SLIT3: variants seen among roughly 807,000 people sequenced by gnomAD.
The protein encoded by SLIT3 is slit homolog 3 protein.
Under a neutral mutation model 184.0 loss-of-function variants are expected in SLIT3, and 68 were observed. That is an observed-to-expected ratio of 0.37 (90% CI 0.30 to 0.45). The LOEUF is 0.45. SLIT3 is among the 20% of genes least tolerant of loss of function. The pLI is 1.00. For synonymous variants in SLIT3, 831 were observed against 828.6 expected, an observed-to-expected ratio of 1.00 and a Z score of -0.05; for missense variants, 1,707 against 2,026.0, an observed-to-expected ratio of 0.84 and a Z score of 3.02.
At chr5:169,147,806 G>T (rs574415285) in intron 4 of SLIT3, among the ~76,000 whole-genome samples, 1 of 151,970 alleles carries the variant, frequency 6.6e-6, no homozygotes. Context: ...AGTATCCCTG[G>T]GCCTTAGATG....
chr5:168,996,650 G>T (rs1047244320), intron 4 of SLIT3, among the ~76,000 whole-genome samples: 1 of 152,218 alleles, frequency 6.6e-6, no homozygotes, highest in Non-Finnish European at 1.5e-5. Context: ...ACATTTCACT[G>T]ATGAATGTTA....
chr5:169,151,913 T>A (rs561376549), intron 4 of SLIT3, among the ~76,000 whole-genome samples: 1 of 152,242 alleles, frequency 6.6e-6, no homozygotes, highest in African/African-American at 2.4e-5. Context: ...TCATTCTGCC[T>A]TAGTTTCCCA....
intron 4 of SLIT3, among the ~76,000 whole-genome samples, chr5:169,191,978 G>C (rs1005230765): frequency 2.6e-5 from 4 of 152,190 alleles, no homozygotes; most frequent in African/African-American, 9.6e-5. Context: ...ATACTCTGCT[G>C]TAGTACTTAG....
At chr5:169,244,111 A>C (rs571216696) in intron 3 of SLIT3, among the ~76,000 whole-genome samples, 2 of 152,230 alleles carry the variant, frequency 1.3e-5, no homozygotes, top group Non-Finnish European at 2.9e-5. Context: ...TTTCCCTCTC[A>C]TTGAGTCAGA....
chr5:168,836,097 A>G (rs1315035775), intron 6 of SLIT3, among the ~76,000 whole-genome samples: 1 of 152,120 alleles, frequency 6.6e-6, no homozygotes, highest in Non-Finnish European at 1.5e-5. Flanking sequence ...AGTGGGTAGG[A>G]GAGGGCCAAA....
intron 3 of SLIT3, among the ~76,000 whole-genome samples, chr5:169,203,793 A>C (rs1763980174): frequency 6.6e-6 from 1 of 152,116 alleles, no homozygotes; most frequent in Non-Finnish European, 1.5e-5. Context: ...GTCAAGGATG[A>C]GGCTGATATT....
chr5:169,119,700 C>G (rs1760811629), intron 4 of SLIT3, among the ~76,000 whole-genome samples: 1 of 151,946 alleles, frequency 6.6e-6, no homozygotes. Flanking sequence ...GGCTAAACAC[C>G]CAACTGTGGC....
chr5:169,189,797 A>G (rs1763491240), intron 4 of SLIT3, among the ~76,000 whole-genome samples: 1 of 152,060 alleles, frequency 6.6e-6, no homozygotes, highest in African/African-American at 2.4e-5. Context: ...TCTATAGAAC[A>G]GTACTAACCA....
chr5:169,044,587 T>TGGGGGGGGGGGGGGAGGG (rs57256659), intron 4 of SLIT3, among the ~76,000 whole-genome samples: 1 of 70,644 alleles, frequency 1.4e-5, no homozygotes, highest in African/African-American at 4.2e-5. Context: ...TGGAGGAAGG[T>TGGGGGGGGGGGGGGAGGG]GGGGGGGGGG....
chr5:169,182,715 T>G (rs983810133), intron 4 of SLIT3, among the ~76,000 whole-genome samples: 9 of 152,212 alleles, frequency 5.9e-5, no homozygotes, highest in African/African-American at 1.9e-4. Flanking sequence ...GAATGTGTGT[T>G]TGGGTTCTGC....
chr5:168,695,307 G>A (rs886645176), intron 28 of SLIT3, among the ~76,000 whole-genome samples: 7 of 152,148 alleles, frequency 4.6e-5, no homozygotes, highest in African/African-American at 9.7e-5. Flanking sequence ...ACACAGGATC[G>A]CTGGGCTGGG....
At chr5:168,690,541 C>T (rs1324383635) in intron 29 of SLIT3, among the ~76,000 whole-genome samples, 1 of 152,216 alleles carries the variant, frequency 6.6e-6, no homozygotes, top group Non-Finnish European at 1.5e-5. Flanking sequence ...TTACATGTCT[C>T]TTCCCACCCC....
At chr5:168,840,830 C>A (rs534075091) in intron 6 of SLIT3, among the ~76,000 whole-genome samples, 61 of 152,192 alleles carry the variant, frequency 4.0e-4, no homozygotes, top group Middle Eastern at 3.4e-3. Context: ...AAAGTAGAGC[C>A]CCCAAACTGT....
intron 4 of SLIT3, among the ~76,000 whole-genome samples, chr5:169,184,372 A>G (rs1763266450): frequency 6.6e-6 from 1 of 152,240 alleles, no homozygotes; most frequent in Non-Finnish European, 1.5e-5. Context: ...TGAGTGAGTG[A>G]AACTCAAGCC....
At chr5:169,186,826 C>G (rs934328352) in intron 4 of SLIT3, among the ~76,000 whole-genome samples, 3 of 151,320 alleles carry the variant, frequency 2.0e-5, no homozygotes, top group East Asian at 2.0e-4. Flanking sequence ...AAGCTGGAGT[C>G]TAGCAGCCTT....
intron 4 of SLIT3, among the ~76,000 whole-genome samples, chr5:168,884,895 A>T (rs1760136075): frequency 6.6e-6 from 1 of 152,006 alleles, no homozygotes; most frequent in South Asian, 2.1e-4. Context: ...ATGGGTCCTG[A>T]GTTGACCTAC....
intron 4 of SLIT3, among the ~76,000 whole-genome samples, chr5:168,899,351 A>G (rs1760788191): frequency 6.6e-6 from 1 of 152,162 alleles, no homozygotes; most frequent in African/African-American, 2.4e-5. Context: ...TCCCATCACT[A>G]CGAAAAATAA....
chr5:168,701,585 A>G (rs940959529), intron 26 of SLIT3, among the ~76,000 whole-genome samples: 1 of 152,124 alleles, frequency 6.6e-6, no homozygotes, highest in African/African-American at 2.4e-5. Flanking sequence ...CAAGGTGGAG[A>G]CTGAGCTCCA....
chr5:169,291,025 T>C (rs780429238), intron 1 of SLIT3, among the ~76,000 whole-genome samples: 16 of 152,158 alleles, frequency 1.1e-4, no homozygotes, highest in Non-Finnish European at 2.2e-4. Context: ...GATACACTGC[T>C]GCCAAAGTGC....
Sources: allele counts gnomAD v4.1 joint callset (sites outside exome capture counted in the v4.1 genomes callset), GRCh38; gene constraint gnomAD v4.1.1; transcripts MANE v1.5; gene names NCBI Gene and HGNC (gene_info 2026-07-23, HGNC 2026-07-21).